Variants in NCKAP5L observed in about 807,000 individuals in gnomAD.
The protein encoded by NCKAP5L is nck-associated protein 5-like.
A neutral mutation model predicts 103.2 loss-of-function variants in NCKAP5L; 54 were observed. The ratio of observed to expected loss-of-function variants is 0.52; its 90% CI spans 0.42 to 0.66. The LOEUF is 0.66. NCKAP5L is among the 30% of genes least tolerant of loss of function. The pLI, the probability that NCKAP5L is intolerant of heterozygous loss-of-function variation, is 0.00. For missense variants in NCKAP5L, 1,733 were observed against 1,750.6 expected (o/e 0.99, Z 0.18); for synonymous variants, 762 against 748.6 (o/e 1.02, Z -0.29).
In NCKAP5L at chr12:49,801,827, GA is replaced by G. The variant is rs574260849; in HGVS notation, c.351+20del. On this transcript the variant is annotated intron_variant, in intron 6 of 12. Transcript: ENST00000335999. ...AGGCAGGAGGCAGTGCGATGGGAGT[GA>G]AAGGAGCGCAGATGCCTACCTGAGG... 2 of 1,613,454 alleles carry G rather than the reference GA, an allele frequency of 1.2e-6. No individual in the cohort carries two copies. Among genetic ancestry groups the G allele is most frequent in the Non-Finnish European group, 1.7e-6 (2 of 1,179,488 alleles).
chr12:49,792,333 G>A lies in NCKAP5L; in HGVS notation c.3792+113C>T. 1 of 1,544,690 alleles carries A rather than the reference G, an allele frequency of 6.5e-7. No homozygotes were observed. Among genetic ancestry groups the A allele is most frequent in the East Asian group, 2.4e-5 (1 of 41,174 alleles). ...CCCAGGGGTCCTCCTCCCAGAGGGT[G>A]CAGCACTGAGACTGTGCGACACACA... On this transcript the variant is annotated intron_variant, in intron 12 of 12. Transcript: ENST00000335999. The surrounding 1 kb of genome is among the most constrained non-coding windows in gnomAD (Gnocchi z 4.5).
intron 1 of NCKAP5L, among the ~76,000 whole-genome samples, chr12:49,817,038 T>A (rs1278122197): frequency 6.6e-6 from 1 of 152,102 alleles, no homozygotes; most frequent in Non-Finnish European, 1.5e-5. Context: ...TTTCTATATG[T>A]TAACAACGAA....
At chr12:49,818,733 G>A (rs1237966466) in intron 1 of NCKAP5L, among the ~76,000 whole-genome samples, 1 of 151,876 alleles carries the variant, frequency 6.6e-6, no homozygotes, top group Non-Finnish European at 1.5e-5. Flanking sequence ...GAATCATCAG[G>A]GAAATGTAAA....
At position 49,804,085 on chromosome 12, in the gene NCKAP5L, T is replaced by C; in HGVS notation, c.-36-5A>G. 1 of 1,602,038 alleles carries C rather than the reference T, an allele frequency of 6.2e-7. No individual in the cohort carries two copies. On this transcript the variant is annotated splice_region_variant and splice_polypyrimidine_tract_variant and intron_variant, in intron 2 of 12. Coordinates refer to ENST00000335999, the MANE Select transcript of NCKAP5L (RefSeq NM_001037806.4). Reference sequence around the variant, plus strand: ...AGGAAGAGAAGCCCCGGCAGGCTACTCCAGGGAATGAGGAGGAAGTGAGAA... The same window carrying C: ...AGGAAGAGAAGCCCCGGCAGGCTACCCCAGGGAATGAGGAGGAAGTGAGAA...
intron 1 of NCKAP5L, among the ~76,000 whole-genome samples, chr12:49,819,218 G>A (rs149151908): frequency 3.3e-4 from 50 of 151,808 alleles, no homozygotes; most frequent in East Asian, 1.9e-3. Flanking sequence ...AGGCCGAGGC[G>A]GGAGAATAGC....
At chr12:49,821,779 A>T (rs1168571369) in intron 1 of NCKAP5L, among the ~76,000 whole-genome samples, 1 of 152,214 alleles carries the variant, frequency 6.6e-6, no homozygotes, top group Non-Finnish European at 1.5e-5. Flanking sequence ...ATTCTAAATA[A>T]TCTGCTGGCT....
At chr12:49,823,245 G>C (rs564512061) in intron 1 of NCKAP5L, among the ~76,000 whole-genome samples, 1 of 152,264 alleles carries the variant, frequency 6.6e-6, no homozygotes, top group East Asian at 1.9e-4. Flanking sequence ...AGAGGGCAGG[G>C]GGAAGTTTGG....
chr12:49,823,505 C>T (rs1946384037), intron 1 of NCKAP5L, among the ~76,000 whole-genome samples: 1 of 152,098 alleles, frequency 6.6e-6, no homozygotes, highest in South Asian at 2.1e-4. Context: ...TGTCTAAGGG[C>T]AGGGGCAATT....
chr12:49,814,478 C>A (rs59046026), intron 1 of NCKAP5L, among the ~76,000 whole-genome samples: 2 of 144,092 alleles, frequency 1.4e-5, no homozygotes, highest in Non-Finnish European at 3.0e-5. Flanking sequence ...TGTGAGACAC[C>A]GTCTCAAAAA....
rs375263255 is a variant in NCKAP5L, at chr12:49,792,811, G to A, written c.3516C>T (p.Arg1172=). 2.2e-5 allele frequency: 35 copies of A among 1,593,080 alleles called. No individual in the cohort carries two copies. Among genetic ancestry groups the A allele is most frequent in the Middle Eastern group, 1.7e-4 (1 of 5,738 alleles). ...RPPPLTKVPR[R]AHTLEREVPG... is the part of the protein sequence containing the mutation. ...GCACCTCCCGCTCCAGTGTGTGGGC[G>A]CGGCGGGGGACTTTGGTAAGGGGTG... The change falls in exon 11 of 13, where the codon CGC becomes CGT. Residue 1172 remains arginine, a synonymous_variant. Transcript: ENST00000335999. The surrounding 1 kb of genome is among the most constrained non-coding windows in gnomAD (Gnocchi z 4.5).
chr12:49,793,481 A>T, intron 9 of NCKAP5L, 48 bp from the exon 10 acceptor site: 1 of 1,567,432 alleles, frequency 6.4e-7, no homozygotes, highest in Non-Finnish European at 8.7e-7. Context: ...CCCCCTCCAC[A>T]CCCCTCCCCA....
intron 2 of NCKAP5L, chr12:49,805,053 G>C (rs1946164715): frequency 6.6e-6 from 1 of 152,326 alleles, no homozygotes; most frequent in Admixed American, 6.5e-5. Context: ...GGCCCCGTCA[G>C]ATCAGGCTCT....
intron 3 of NCKAP5L, among the ~76,000 whole-genome samples, chr12:49,803,545 G>A (rs906520672): frequency 6.6e-5 from 10 of 152,006 alleles, no homozygotes; most frequent in Non-Finnish European, 1.5e-4. Flanking sequence ...GTGGTCTGAG[G>A]ATCTGCACCC....
chr12:49,793,651 G>A, intron 9 of NCKAP5L, 83 bp downstream of exon 9: 1 of 1,446,934 alleles, frequency 6.9e-7, no homozygotes, highest in Non-Finnish European at 9.2e-7. Context: ...TGGTCTTGGG[G>A]AAGGGGAACC....
chr12:49,792,198 G>T lies in NCKAP5L; in HGVS notation c.3793-147C>A. ...GGTGGGGTATACTTCAGAGGAAACAGGCTGGAGGTACAACTGAGAACAGTC... is the reference window on the plus strand; with the variant it reads ...GGTGGGGTATACTTCAGAGGAAACATGCTGGAGGTACAACTGAGAACAGTC... On this transcript the variant is annotated intron_variant, in intron 12 of 12. Transcript: ENST00000335999. This position sits in a 1 kb window ranked among gnomAD's most constrained non-coding sequence, Gnocchi z 4.5. The T allele has an allele frequency of 2.9e-6, 3 of 1,039,224 alleles. No homozygotes were observed. Among genetic ancestry groups the T allele is most frequent in the South Asian group, 1.4e-5 (1 of 69,580 alleles). The allele number at this position is 1,039,224 out of a possible 1,614,324, so 64.4% of individuals were successfully genotyped here.
Position 49,797,311 on chromosome 12 carries a change from G to A in NCKAP5L, c.549C>T (p.Phe183=). 6.2e-7 allele frequency: 1 copy of A among 1,613,270 alleles called. No homozygotes were observed. Among genetic ancestry groups the A allele is most frequent in the Non-Finnish European group, 8.5e-7 (1 of 1,179,794 alleles). Residue 183 remains phenylalanine, a synonymous_variant, in exon 8 of 13, where the codon TTC becomes TTT. Transcript: ENST00000335999. This position sits in a 1 kb window ranked among gnomAD's most constrained non-coding sequence, Gnocchi z 4.5. ...CCAGAATCTGGGCCTTCTTCCGAAGGAACGGGGATAGGGCATCCAGCGCTG... is the reference window on the plus strand; with the variant it reads ...CCAGAATCTGGGCCTTCTTCCGAAGAAACGGGGATAGGGCATCCAGCGCTG... ...PPPALDALSP[F]LRKKAQILEV... is the part of the protein sequence containing the mutation.
chr12:49,815,583 C>T (rs1051402857), intron 1 of NCKAP5L, among the ~76,000 whole-genome samples: 3 of 152,098 alleles, frequency 2.0e-5, no homozygotes, highest in Non-Finnish European at 2.9e-5. Context: ...GGCGTGATCT[C>T]GGCTCAAGCG....
rs200806677 is a variant in NCKAP5L at position 49,793,893 on chromosome 12, C to T, written c.3099G>A (p.Val1033=). Residue 1033 remains valine (V), a synonymous_variant, in exon 9 of 13, where the codon GTG becomes GTA. Coordinates refer to ENST00000335999, the MANE Select transcript of NCKAP5L (RefSeq NM_001037806.4). The stretch of plus-strand genomic sequence containing the variant: ...TCTTGGATGGCAGCTCCTTGCCATC[C>T]ACCCTATGGGCAACAGTGCAGATAT... ...DTFMQQLLNR[V]DGKELPSKSW... is the part of the protein sequence containing the mutation. 121 of 1,545,564 alleles carry T rather than the reference C, an allele frequency of 7.8e-5. No individual in the cohort carries two copies. The African/African-American group carries it at 1.3e-3, about 17-fold the overall frequency.
chr12:49,812,231 G>A (rs1320124395), intron 1 of NCKAP5L, among the ~76,000 whole-genome samples: 3 of 152,064 alleles, frequency 2.0e-5, no homozygotes, highest in African/African-American at 7.2e-5. Context: ...TCTATTTTCT[G>A]TCTCTATTGA....
Sources: allele counts gnomAD v4.1 joint callset (sites outside exome capture counted in the v4.1 genomes callset), GRCh38; gene constraint gnomAD v4.1.1; non-coding constraint Gnocchi (gnomAD v3.1); transcripts MANE v1.5; gene names NCBI Gene and HGNC (gene_info 2026-07-23, HGNC 2026-07-21).